Variants in ASNS observed in about 807,000 individuals in gnomAD.
ASNS encodes the protein asparagine synthetase [glutamine-hydrolyzing].
Under a neutral mutation model 62.6 loss-of-function variants are expected in ASNS, and 37 were observed. The ratio of observed to expected loss-of-function variants is 0.59; its 90% CI spans 0.45 to 0.78. ASNS has a LOEUF of 0.78. Ranked by LOEUF, ASNS falls within the 30% of genes least tolerant of loss-of-function variation. The probability of loss-of-function intolerance (pLI) is 0.00; values close to 1 mark genes in which losing one functional copy is unlikely to be tolerated. For synonymous variants in ASNS, 207 were observed against 237.9 expected (o/e 0.87, Z 1.19); for missense variants, 520 against 682.4 (o/e 0.76, Z 2.65).
the ASNS span, among the ~76,000 whole-genome samples, chr7:97,925,839 G>T: frequency 1.3e-5 from 2 of 152,158 alleles, no homozygotes; most frequent in African/African-American, 4.8e-5. Flanking sequence ...CTGAGCAAAT[G>T]GTTGAGGTTG....
At chr7:97,876,389 T>C (rs1035348728), upstream of ASNS, among the ~76,000 whole-genome samples, 5 of 151,976 alleles carry the variant, frequency 3.3e-5, no homozygotes, top group Non-Finnish European at 7.4e-5. Context: ...GCTATTGGTG[T>C]TGGGATAGCC....
At chr7:97,927,376 C>T in the ASNS span, among the ~76,000 whole-genome samples, 1 of 152,232 alleles carries the variant, frequency 6.6e-6, no homozygotes, top group South Asian at 2.1e-4. Flanking sequence ...TTAATCTCAG[C>T]AGTAACAACC....
At chr7:97,867,156 G>GC (rs55650324) in intron 3 of ASNS, among the ~76,000 whole-genome samples, 149,182 of 149,196 alleles carry the variant, frequency 1, 74,584 homozygotes, top group Middle Eastern at 1. Flanking sequence ...TTGGCTGCAG[G>GC]CCCTGATACT....
At chr7:97,887,082 T>C in the ASNS span, among the ~76,000 whole-genome samples, 5 of 152,198 alleles carry the variant, frequency 3.3e-5, no homozygotes, top group African/African-American at 1.2e-4. Context: ...CCTGCAAAAT[T>C]CAAATCTACA....
At chr7:97,870,701 G>T (rs1337734548) in intron 1 of ASNS, among the ~76,000 whole-genome samples, 4 of 152,188 alleles carry the variant, frequency 2.6e-5, no homozygotes, top group Non-Finnish European at 5.9e-5. Context: ...TAAGCCATCT[G>T]CCTTTGACTC....
chr7:97,917,559 G>C, the ASNS span, among the ~76,000 whole-genome samples: 22 of 152,356 alleles, frequency 1.4e-4, no homozygotes, highest in African/African-American at 5.3e-4. Flanking sequence ...GCCAGGCCTA[G>C]CTTCCAGTCT....
At chr7:97,909,332 C>G in the ASNS span, among the ~76,000 whole-genome samples, 1 of 123,580 alleles carries the variant, frequency 8.1e-6, no homozygotes, top group African/African-American at 3.1e-5. Flanking sequence ...GAGACAGAGT[C>G]TCGCTCTGTC....
intron 3 of ASNS, 119 bp from the exon 4 acceptor site, chr7:97,864,615 T>C (rs1791879764): frequency 4.2e-6 from 3 of 713,898 alleles, no homozygotes; most frequent in Non-Finnish European, 7.2e-6. Flanking sequence ...ACTTTGGTGA[T>C]TTAGGAGAAT....
At chr7:97,875,358 T>C (rs1189079411), upstream of ASNS, among the ~76,000 whole-genome samples, 2 of 152,214 alleles carry the variant, frequency 1.3e-5, no homozygotes, top group African/African-American at 2.4e-5. Flanking sequence ...AGGCTGGTCT[T>C]GAACTCCTGA....
chr7:97,922,274 G>C, the ASNS span, among the ~76,000 whole-genome samples: 1 of 152,128 alleles, frequency 6.6e-6, no homozygotes, highest in African/African-American at 2.4e-5. Context: ...GCCGAGGTGG[G>C]AGGATTGATT....
At chr7:97,862,387 A>G (rs1791761635) in intron 4 of ASNS, among the ~76,000 whole-genome samples, 2 of 152,234 alleles carry the variant, frequency 1.3e-5, no homozygotes, top group African/African-American at 4.8e-5. Flanking sequence ...TACAACTATT[A>G]TACGACATTC....
chr7:97,906,324 A>T, the ASNS span: 1 of 401,614 alleles, frequency 2.5e-6, no homozygotes, highest in Non-Finnish European at 4.8e-6. Flanking sequence ...AAAGATTTGT[A>T]ATCTCCCACT....
the ASNS span, among the ~76,000 whole-genome samples, chr7:97,887,426 C>A: frequency 6.6e-6 from 1 of 152,228 alleles, no homozygotes; most frequent in African/African-American, 2.4e-5. Context: ...AAGACTCTGT[C>A]ATTTGTCTCT....
At position 97,856,787 on chromosome 7, in the gene ASNS, A is replaced by G. The variant is rs1791459399; in HGVS notation, c.933T>C (p.Tyr311=). The G allele has an allele frequency of 6.2e-7, 1 of 1,611,960 alleles. No individual in the cohort carries two copies. The change falls in exon 8 of 13, where the codon TAT becomes TAC. Residue 311 remains tyrosine, a synonymous_variant. Coordinates refer to ENST00000394308, the MANE Select transcript of ASNS (RefSeq NM_001673.5). ...CTTCCTCAGAGTTAAAAAGGACTTC[A>G]TAATGTTCACTTCCAATATGATCTG... is the stretch of plus-strand genomic sequence containing the variant. The part of the protein sequence containing the change: ...KVADHIGSEH[Y]EVLFNSEEGI...
chr7:97,886,722 T>A, the ASNS span, among the ~76,000 whole-genome samples: 12 of 152,302 alleles, frequency 7.9e-5, no homozygotes, highest in East Asian at 2.1e-3. Context: ...ACGGATCTTC[T>A]ACTCTGGAGG....
chr7:97,886,757 G>A, the ASNS span, among the ~76,000 whole-genome samples: 1 of 152,176 alleles, frequency 6.6e-6, no homozygotes, highest in Non-Finnish European at 1.5e-5. Context: ...GCTGAAGCCA[G>A]ACCAACCTGA....
the ASNS span, among the ~76,000 whole-genome samples, chr7:97,894,748 G>A: frequency 0.01 from 1,536 of 152,154 alleles, 22 homozygotes; most frequent in African/African-American, 0.033. Context: ...TCCCAAAAGA[G>A]AAAAGCCCTA....
At chr7:97,859,540 A>C (rs894753690) in intron 4 of ASNS, 142 bp from the exon 5 acceptor site, 9 of 875,428 alleles carry the variant, frequency 1.0e-5, no homozygotes, top group East Asian at 8.8e-5. Context: ...AGGAAAAAAA[A>C]TTTTCTATTT....
the ASNS span, among the ~76,000 whole-genome samples, chr7:97,896,741 C>CAAATATATATATATATAT: frequency 5.1e-5 from 1 of 19,782 alleles, no homozygotes; most frequent in Non-Finnish European, 1.3e-4. Flanking sequence ...CACACACACA[C>CAAATATATATATATATAT]ATATATATAT....
Sources: gnomAD v4.1 joint callset for allele counts (sites outside exome capture counted in the v4.1 genomes callset) on GRCh38, gnomAD v4.1.1 for gene constraint, MANE v1.5 for transcripts, NCBI Gene and HGNC (gene_info 2026-07-23, HGNC 2026-07-21) for gene names.